Variants in NDST4 observed in about 807,000 individuals in gnomAD.
The protein encoded by NDST4 is N-deacetylase and N-sulfotransferase 4, also known as N-heparan sulfate sulfotransferase 4.
In NDST4, 63 loss-of-function variants were observed where a neutral mutation model predicts 100.8. That is an observed-to-expected ratio of 0.62 (90% CI 0.51 to 0.77). The LOEUF is 0.77. NDST4 is among the 30% of genes least tolerant of loss of function. NDST4 has a pLI of 0.00. For missense variants in NDST4, 943 were observed against 1,018.4 expected, an observed-to-expected ratio of 0.93 and a Z score of 1.01; for synonymous variants, 377 against 361.8, an observed-to-expected ratio of 1.04 and a Z score of -0.48.
At chr4:114,858,234 T>C (rs1180525496) in intron 7 of NDST4, among the ~76,000 whole-genome samples, 1 of 152,190 alleles carries the variant, frequency 6.6e-6, no homozygotes, top group Non-Finnish European at 1.5e-5. Context: ...TTGGACACTG[T>C]GATAATGAAA....
At chr4:115,051,135 TA>T (rs1286574264) in intron 2 of NDST4, among the ~76,000 whole-genome samples, 2 of 152,096 alleles carry the variant, frequency 1.3e-5, no homozygotes, top group Non-Finnish European at 2.9e-5. Context: ...GCCAGTTGAT[TA>T]TTGTTTATAT....
At chr4:114,994,486 G>T (rs753035023) in intron 2 of NDST4, among the ~76,000 whole-genome samples, 3 of 151,934 alleles carry the variant, frequency 2.0e-5, no homozygotes, top group Non-Finnish European at 4.4e-5. Context: ...ATCAATAAGT[G>T]TGTATGGGAT....
chr4:115,014,920 G>A (rs911386378), intron 2 of NDST4, among the ~76,000 whole-genome samples: 1 of 152,034 alleles, frequency 6.6e-6, no homozygotes, highest in African/African-American at 2.4e-5. Context: ...AGAGATAGAT[G>A]GCTACTAAAT....
intron 6 of NDST4, among the ~76,000 whole-genome samples, chr4:114,931,453 G>T (rs114346712): frequency 0.012 from 1,787 of 150,998 alleles, 37 homozygotes; most frequent in African/African-American, 0.041. Context: ...CAAGGAACTA[G>T]TCAAAGAAGA....
chr4:114,859,622 G>A (rs189941334), intron 7 of NDST4, among the ~76,000 whole-genome samples: 41 of 152,198 alleles, frequency 2.7e-4, no homozygotes, highest in Admixed American at 6.5e-4. Flanking sequence ...AATTCTCCCC[G>A]GCTAATAGAA....
At chr4:115,016,253 T>C (rs1361669981) in intron 2 of NDST4, among the ~76,000 whole-genome samples, 1 of 152,048 alleles carries the variant, frequency 6.6e-6, no homozygotes, top group African/African-American at 2.4e-5. Flanking sequence ...CAGCACCAAG[T>C]AGGTGGCAAT....
In NDST4 at chr4:114,848,194, AT is replaced by A; in HGVS notation, c.1940+20del. Reference sequence around the variant, plus strand: ...TGAGCATGTGTTAATAATGGAATTTATTTTTTGTTATTTTTCTTACCAGTCT... The same window carrying A: ...TGAGCATGTGTTAATAATGGAATTTATTTTTGTTATTTTTCTTACCAGTCT... On this transcript the variant is annotated intron_variant, in intron 9 of 13. Coordinates refer to ENST00000264363, the MANE Select transcript of NDST4 (RefSeq NM_022569.3). 6.3e-7 allele frequency: 1 copy of A among 1,580,744 alleles called. No homozygotes were observed. Among genetic ancestry groups the A allele is most frequent in the African/African-American group, 1.4e-5 (1 of 73,316 alleles).
At chr4:115,018,722 A>C (rs1727742797) in intron 2 of NDST4, among the ~76,000 whole-genome samples, 1 of 151,946 alleles carries the variant, frequency 6.6e-6, no homozygotes, top group Non-Finnish European at 1.5e-5. Context: ...AGATTTCAAA[A>C]TTTAGAATAT....
chr4:114,983,188 A>G (rs935879793), intron 2 of NDST4, among the ~76,000 whole-genome samples: 2 of 152,218 alleles, frequency 1.3e-5, no homozygotes, highest in Non-Finnish European at 2.9e-5. Flanking sequence ...CCAAATCCCC[A>G]CTGGGGCACT....
intron 2 of NDST4, among the ~76,000 whole-genome samples, chr4:115,058,980 T>TAC (rs36080386): frequency 0.27 from 40,062 of 148,740 alleles, 6,324 homozygotes; most frequent in East Asian, 0.58. Context: ...GTTCTGAAGC[T>TAC]ACACACACAC....
chr4:114,892,063 T>G (rs1246154197), intron 6 of NDST4, among the ~76,000 whole-genome samples: 3 of 152,086 alleles, frequency 2.0e-5, no homozygotes, highest in Non-Finnish European at 4.4e-5. Context: ...CCGTATAAAA[T>G]TGCCATTTTG....
intron 2 of NDST4, among the ~76,000 whole-genome samples, chr4:115,050,524 T>C (rs1394128248): frequency 2.0e-5 from 3 of 152,108 alleles, no homozygotes; most frequent in African/African-American, 7.2e-5. Context: ...ATGGTATTTA[T>C]GGGGAATTAA....
intron 8 of NDST4, among the ~76,000 whole-genome samples, chr4:114,851,361 T>C (rs929487349): frequency 2.0e-5 from 3 of 152,212 alleles, no homozygotes; most frequent in African/African-American, 7.2e-5. Flanking sequence ...TATTACCATC[T>C]GATTCCTTTG....
chr4:114,986,822 A>ATTTATT (rs1232679949), intron 2 of NDST4, among the ~76,000 whole-genome samples: 1 of 72,542 alleles, frequency 1.4e-5, no homozygotes, highest in African/African-American at 4.4e-5. Flanking sequence ...ATATATATAT[A>ATTTATT]TATATATATA....
At chr4:115,081,334 C>G (rs762640983) in intron 1 of NDST4, among the ~76,000 whole-genome samples, 2 of 152,138 alleles carry the variant, frequency 1.3e-5, no homozygotes, top group Admixed American at 6.5e-5. Context: ...GATGAGGAAG[C>G]CTGGACCATA....
At chr4:114,847,866 CATT>C (rs1263408329) in intron 9 of NDST4, among the ~76,000 whole-genome samples, 2 of 152,060 alleles carry the variant, frequency 1.3e-5, no homozygotes, top group Non-Finnish European at 2.9e-5. Flanking sequence ...TTGCCTGAAA[CATT>C]GTTGCGAAGA....
At chr4:114,867,665 C>CAAAAAAAAAAAAAAAAAAAAAAAAAAAAA in intron 7 of NDST4, among the ~76,000 whole-genome samples, 76 of 79,708 alleles carry the variant, frequency 9.5e-4, no homozygotes, top group Non-Finnish European at 1.3e-3. Context: ...AAAAAAAAAG[C>CAAAAAAAAAAAAAAAAAAAAAAAAAAAAA]AAAAAAAAAA....
At chr4:114,998,429 G>A (rs191836295) in intron 2 of NDST4, among the ~76,000 whole-genome samples, 2 of 152,170 alleles carry the variant, frequency 1.3e-5, no homozygotes, top group African/African-American at 4.8e-5. Context: ...GGAGGTCATG[G>A]CTCACACTGT....
chr4:114,962,511 A>G (rs943034912), intron 4 of NDST4, among the ~76,000 whole-genome samples: 1 of 152,088 alleles, frequency 6.6e-6, no homozygotes, highest in Admixed American at 6.5e-5. Flanking sequence ...GTACTTCTAT[A>G]CAAAAAATTA....
Sources: gnomAD v4.1 joint callset for allele counts (sites outside exome capture counted in the v4.1 genomes callset) on GRCh38, gnomAD v4.1.1 for gene constraint, MANE v1.5 for transcripts, NCBI Gene and HGNC (gene_info 2026-07-23, HGNC 2026-07-21) for gene names.